The following CACNA1D variants were observed in gnomAD, a reference collection of about 807,000 sequenced individuals.
The protein encoded by CACNA1D is voltage-dependent L-type calcium channel subunit alpha-1D.
CACNA1D carries 55 observed loss-of-function variants against 257.1 expected under a neutral mutation model. That is an observed-to-expected ratio of 0.21 (90% CI 0.17 to 0.27). CACNA1D has a LOEUF of 0.27. Among genes scored for constraint, CACNA1D ranks in the 10% least tolerant of loss-of-function variants. The pLI is 1.00. For missense variants in CACNA1D, 1,876 were observed against 2,784.0 expected, an observed-to-expected ratio of 0.67 and a Z score of 7.34; for synonymous variants, 980 against 1,014.9, an observed-to-expected ratio of 0.97 and a Z score of 0.65.
chr3:53,735,654 A>C, intron 20 of CACNA1D, 151 bp downstream of exon 20: 1 of 765,156 alleles, frequency 1.3e-6, no homozygotes, highest in East Asian at 2.7e-5. Flanking sequence ...CCGGTTTGTA[A>C]GTGCCAGAGA....
intron 9 of CACNA1D, among the ~76,000 whole-genome samples, chr3:53,705,401 T>G (rs1280178138): frequency 1.3e-5 from 2 of 152,210 alleles, no homozygotes; most frequent in African/African-American, 4.8e-5. Flanking sequence ...AAAAGCCTTG[T>G]AGATCTTCAG....
intron 29 of CACNA1D, among the ~76,000 whole-genome samples, chr3:53,756,102 G>A (rs2095263272): frequency 6.6e-6 from 1 of 152,118 alleles, no homozygotes; most frequent in Non-Finnish European, 1.5e-5. Context: ...CTCTGTTAGG[G>A]GACACAGGCT....
Position 53,723,334 on chromosome 3 carries a change from AT to A in CACNA1D, c.1667-97del, listed in dbSNP as rs2094900687. On this transcript the variant is annotated intron_variant, in intron 12 of 47. Coordinates refer to ENST00000350061, the MANE Select transcript of CACNA1D (RefSeq NM_001128840.3). This position sits in a 1 kb window ranked among gnomAD's most constrained non-coding sequence, Gnocchi z 5.6. ...GAAGAGAGAGACAAGGTATTGGCGT[AT>A]TTCCTGTGGGGCCTGATAGGGAGGG... The A allele has an allele frequency of 1.2e-6, 1 of 865,218 alleles. No individual in the cohort carries two copies. The highest frequency in any genetic ancestry group is 2.0e-6 in the Non-Finnish European group (1 of 502,284). 53.6% of individuals were successfully genotyped at this position (865,218 alleles called of 1,614,324 possible).
rs1568335 is a variant in CACNA1D, at chr3:53,692,927, G to A, written c.1221-9714G>A. 7.4e-3 allele frequency among the ~76,000 whole-genome samples: 1,120 copies of A among 152,124 alleles called. 17 individuals are homozygous for A. Among genetic ancestry groups the A allele is most frequent in the African/African-American group, 0.024 (1,009 of 41,488 alleles). On this transcript the variant is annotated intron_variant, in intron 8 of 47. Transcript: ENST00000350061. The stretch of plus-strand genomic sequence containing the variant: ...TAAAAAATTAGCTGGACATGGTGGC[G>A]CACACCTGTAATTCCAGCTGCTTGG...
At chr3:53,534,537 G>A (rs1031181513) in intron 3 of CACNA1D, among the ~76,000 whole-genome samples, 2 of 152,112 alleles carry the variant, frequency 1.3e-5, no homozygotes, top group African/African-American at 2.4e-5. Flanking sequence ...TCCATTCTGT[G>A]TGCCCCTCAA....
At chr3:53,497,632 G>C (rs1037084638) in intron 2 of CACNA1D, among the ~76,000 whole-genome samples, 171 bp downstream of exon 2, 1 of 152,166 alleles carries the variant, frequency 6.6e-6, no homozygotes, top group Non-Finnish European at 1.5e-5. Flanking sequence ...GGGTTGCAGA[G>C]GGGTGGCTGT....
chr3:53,574,388 C>T (rs987692605), intron 3 of CACNA1D, among the ~76,000 whole-genome samples: 9 of 152,208 alleles, frequency 5.9e-5, no homozygotes, highest in African/African-American at 1.7e-4. Context: ...TTGGTGTTCT[C>T]ATCAGCACCT....
intron 12 of CACNA1D, among the ~76,000 whole-genome samples, chr3:53,722,963 C>T (rs2094896863): frequency 6.6e-6 from 1 of 152,116 alleles, no homozygotes; most frequent in Non-Finnish European, 1.5e-5. Context: ...ACCTCTCCAG[C>T]CTGCTTGGTG....
At chr3:53,760,181 T>C (rs1226136485) in intron 29 of CACNA1D, among the ~76,000 whole-genome samples, 1 of 152,142 alleles carries the variant, frequency 6.6e-6, no homozygotes, top group African/African-American at 2.4e-5. Flanking sequence ...AGATTAAATT[T>C]AAGAAGCAAA....
intron 3 of CACNA1D, among the ~76,000 whole-genome samples, chr3:53,566,195 C>T (rs775579513): frequency 6.6e-6 from 1 of 152,172 alleles, no homozygotes; most frequent in Non-Finnish European, 1.5e-5. Context: ...CAGAGCATAG[C>T]AAGTTCTTAC....
At chr3:53,639,686 G>A (rs1211924754) in intron 3 of CACNA1D, among the ~76,000 whole-genome samples, 1 of 151,466 alleles carries the variant, frequency 6.6e-6, no homozygotes, top group East Asian at 2.0e-4. Flanking sequence ...GCGCCCGGCT[G>A]AGATTTCATT....
rs555472714 is a variant in CACNA1D, at chr3:53,720,518, G to A, written c.1505+737G>A. ...TGCAAAGCATATTTGATAAAGGACT[G>A]GTATCCCATATATATAAAGATTAAT... On this transcript the variant is annotated intron_variant, in intron 11 of 47. Coordinates refer to ENST00000350061, the MANE Select transcript of CACNA1D (RefSeq NM_001128840.3). Among the ~76,000 whole-genome samples, 3 of 152,250 alleles carry A rather than the reference G, an allele frequency of 2.0e-5. No individual in the cohort carries two copies. The East Asian group carries it at 5.8e-4, about 29-fold the overall frequency.
In CACNA1D at chr3:53,774,210, C is replaced by T. The variant is rs1392406966; in HGVS notation, c.4111-377C>T. ...ATCTTTCAGTTCTGAGTTTACATGT[C>T]ACTTCCCCCTAGAGGCCTTCCCTGA... On this transcript the variant is annotated intron_variant, in intron 33 of 47. Transcript: ENST00000350061. The surrounding 1 kb of genome is among the most constrained non-coding windows in gnomAD (Gnocchi z 4.3). The T allele has an allele frequency of 1.8e-5, 5 of 283,254 alleles. No homozygotes were observed. The highest frequency in any genetic ancestry group is 3.4e-5 in the Non-Finnish European group (5 of 146,112). 17.5% of individuals were successfully genotyped at this position (283,254 alleles called of 1,614,324 possible). A position where few individuals can be genotyped will look rare whatever the true frequency, so the allele number is the denominator to read the frequency against.
intron 3 of CACNA1D, among the ~76,000 whole-genome samples, chr3:53,524,028 A>G (rs187618677): frequency 0.01 from 1,524 of 152,278 alleles, 37 homozygotes; most frequent in African/African-American, 0.035. Context: ...TGGGCTTCTC[A>G]GGTATGAGGT....
At chr3:53,594,691 T>C (rs1459931634) in intron 3 of CACNA1D, among the ~76,000 whole-genome samples, 2 of 152,234 alleles carry the variant, frequency 1.3e-5, no homozygotes, top group African/African-American at 4.8e-5. Context: ...TGTGGAGTAA[T>C]GGCAGGTGGC....
intron 12 of CACNA1D, 141 bp downstream of exon 12, chr3:53,722,615 A>C: frequency 1.1e-6 from 1 of 883,288 alleles, no homozygotes; most frequent in Non-Finnish European, 1.9e-6. Context: ...AACCATCCAG[A>C]CACAGCAACT....
rs2090293548 is a variant in CACNA1D, at chr3:53,495,228, C to G, written c.62C>G (p.Ala21Gly). The G allele has an allele frequency of 6.2e-7, 1 of 1,613,622 alleles. No individual in the cohort carries two copies. Reference sequence around the variant, plus strand: ...CAACGGCAGCAGCAAGCGGACCACGCGAACGGTGAGCAGCCAGAGCCCGGG... The same window carrying G: ...CAACGGCAGCAGCAAGCGGACCACGGGAACGGTGAGCAGCCAGAGCCCGGG... ...QHQRQQQADH[A>G]NEANYARGTR... The change falls in exon 1 of 48, where the codon GCG becomes GGG. Residue 21 changes from alanine to glycine, a missense_variant. Ala to Gly is a moderately conservative substitution (Grantham distance 60). This residue lies in a region of CACNA1D where 143 missense variants were observed against 168.7 expected (regional missense o/e 0.85). Transcript: ENST00000350061. This position sits in a 1 kb window ranked among gnomAD's most constrained non-coding sequence, Gnocchi z 5.1.
intron 3 of CACNA1D, among the ~76,000 whole-genome samples, chr3:53,639,218 T>A (rs1460973146): frequency 6.6e-6 from 1 of 152,162 alleles, no homozygotes; most frequent in Non-Finnish European, 1.5e-5. Context: ...CTGACCAACA[T>A]GGTGAAACCC....
rs1010414445 is a variant in CACNA1D, at chr3:53,730,048, T to A, written c.2222-394T>A. Among the ~76,000 whole-genome samples, 34 of 149,966 alleles carry A rather than the reference T, an allele frequency of 2.3e-4. No individual in the cohort carries two copies. In the South Asian group the frequency reaches 3.6e-3, roughly 16 times the overall value. ...ATATGTTGTAGTTGTAGTATGTGTT[T>A]AAAAAAAAAACCCAAACTACTTTTT... is the stretch of plus-strand genomic sequence containing the variant. On this transcript the variant is annotated intron_variant, in intron 15 of 47. Transcript: ENST00000350061.
Sources: gnomAD v4.1 joint callset for allele counts (sites outside exome capture counted in the v4.1 genomes callset) on GRCh38, gnomAD v4.1.1 for gene constraint, gnomAD v4.1.1 regional missense constraint, Gnocchi (gnomAD v3.1) non-coding constraint, MANE v1.5 for transcripts, NCBI Gene and HGNC (gene_info 2026-07-23, HGNC 2026-07-21) for gene names.